Variants in ACTG1 observed in about 807,000 individuals in gnomAD.
ACTG1 encodes the protein actin, cytoplasmic 2.
Under a neutral mutation model 34.3 loss-of-function variants are expected in ACTG1, and 14 were observed. That is an observed-to-expected ratio of 0.41 (90% CI 0.27 to 0.64). ACTG1 has a LOEUF of 0.64. ACTG1 is among the 30% of genes least tolerant of loss of function. ACTG1 has a pLI of 0.33. For missense variants in ACTG1, 233 were observed against 529.5 expected (o/e 0.44, Z 5.50); for synonymous variants, 422 against 213.9 (o/e 1.97, Z -8.49).
chr17:81,510,204 C>T lies in ACTG1; in HGVS notation c.*486G>A, dbSNP rs1555666057. The T allele has an allele frequency of 1.9e-6, 1 of 532,806 alleles. No homozygotes were observed. Among genetic ancestry groups the T allele is most frequent in the South Asian group, 1.5e-5 (1 of 65,416 alleles). 33.0% of individuals were successfully genotyped at this position (532,806 alleles called of 1,614,324 possible). ...ACGGTGTTCTGGCCAAAGACATCAG[C>T]TAAGAAAGGAAACTGGGTCCTACGG... is the stretch of plus-strand genomic sequence containing the variant. On this transcript the variant is annotated 3_prime_UTR_variant, in exon 6 of 6. Coordinates refer to ENST00000573283, the MANE Select transcript of ACTG1 (RefSeq NM_001614.5).
Position 81,512,060 on chromosome 17 carries a change from T to A in ACTG1, c.206A>T (p.Tyr69Phe), listed in dbSNP as rs781953399. Residue 69 changes from tyrosine to phenylalanine, a missense_variant, in exon 3 of 6, where the codon TAC becomes TTC. Coordinates refer to ENST00000573283, the MANE Select transcript of ACTG1 (RefSeq NM_001614.5). ...GGTGACGATGCCATGCTCAATGGGG[T>A]ACTTCAGGGTCAGGATGCCACGCTT... ...QSKRGILTLK[Y>F]PIEHGIVTNW... The A allele has an allele frequency of 6.2e-7, 1 of 1,613,852 alleles. No homozygotes were observed. The highest frequency in any genetic ancestry group is 1.7e-5 in the Admixed American group (1 of 60,016).
At position 81,510,531 on chromosome 17, in the gene ACTG1, A is replaced by G. The variant is rs2031694717; in HGVS notation, c.*159T>C. ...GGTCAAAATCAGCAACAAGTTCTAC[A>G]ATCCAGTGCTGATATCAGATACAAG... On this transcript the variant is annotated 3_prime_UTR_variant, in exon 6 of 6. Coordinates refer to ENST00000573283, the MANE Select transcript of ACTG1 (RefSeq NM_001614.5). 1.1e-6 allele frequency: 1 copy of G among 937,910 alleles called. No individual in the cohort carries two copies. The highest frequency in any genetic ancestry group is 1.7e-6 in the Non-Finnish European group (1 of 587,536). 58.1% of individuals were successfully genotyped at this position (937,910 alleles called of 1,614,324 possible).
Position 81,510,666 on chromosome 17 carries a change from A to G in ACTG1, c.*24T>C, listed in dbSNP as rs782067799. On this transcript the variant is annotated 3_prime_UTR_variant, in exon 6 of 6. Transcript: ENST00000573283. ...TATTCTCAATTAACCCATGCAGCAA[A>G]TGCTACGCATCTGCTGAGTCCGTTT... is the stretch of plus-strand genomic sequence containing the variant. The G allele has an allele frequency of 1.1e-5, 18 of 1,613,536 alleles. 1 individual carries two copies. The South Asian group carries it at 1.5e-4, about 14-fold the overall frequency.
intron 1 of ACTG1, 67 bp downstream of exon 1, chr17:81,512,667 G>A (rs934165478): frequency 2.4e-6 from 1 of 413,124 alleles, no homozygotes; most frequent in South Asian, 2.1e-5. Flanking sequence ...GCTGGAAGCG[G>A]GGCCAGCCGG....
At position 81,510,791 on chromosome 17, in the gene ACTG1, C is replaced by T; in HGVS notation, c.1027G>A (p.Gly343Ser). 1 of 1,613,904 alleles carries T rather than the reference C, an allele frequency of 6.2e-7. No individual in the cohort carries two copies. The highest frequency in any genetic ancestry group is 8.5e-7 in the Non-Finnish European group (1 of 1,179,982). ...PERKYSVWIGGSILASLSTFQ... is the reference protein window; with the variant it reads ...PERKYSVWIGSSILASLSTFQ... Reference sequence around the variant, plus strand: ...GTGGACAGTGAGGCCAGGATGGAGCCACCGATCCACACCGAGTACTTGCGC... The same window carrying T: ...GTGGACAGTGAGGCCAGGATGGAGCTACCGATCCACACCGAGTACTTGCGC... The change falls in exon 6 of 6, where the codon GGC becomes AGC. Residue 343 changes from glycine (G) to serine (S), a missense_variant. Coordinates refer to ENST00000573283, the MANE Select transcript of ACTG1 (RefSeq NM_001614.5).
Position 81,510,932 on chromosome 17 carries a change from T to C in ACTG1, c.979A>G (p.Ile327Val). 6.2e-7 allele frequency: 1 copy of C among 1,614,042 alleles called. No homozygotes were observed. Among genetic ancestry groups the C allele is most frequent in the Non-Finnish European group, 8.5e-7 (1 of 1,180,004 alleles). Residue 327 changes from isoleucine (I) to valine (V), a missense_variant, in exon 5 of 6, where the codon ATC (isoleucine) becomes GTC (valine). By Grantham distance (29) the Ile-to-Val change is conservative. Transcript: ENST00000573283. ...ITALAPSTMK[I>V]KIIAPPERKY... ...CCACCAACCCCTCGACTCACCTTGA[T>C]CTTCATGGTGCTGGGCGCCAGGGCG...
In ACTG1 at chr17:81,509,978, C is replaced by A. The variant is rs182942453; in HGVS notation, c.*712G>T. On this transcript the variant is annotated 3_prime_UTR_variant, in exon 6 of 6. Coordinates refer to ENST00000573283, the MANE Select transcript of ACTG1 (RefSeq NM_001614.5). ...CCAAACAGGAGCCATTCATTGGTTA[C>A]GGCAGCACTTTTATTTTTCCTTACA... is the stretch of plus-strand genomic sequence containing the variant. 1 of 391,144 alleles carries A rather than the reference C, an allele frequency of 2.6e-6. No individual in the cohort carries two copies. The highest frequency in any genetic ancestry group is 3.0e-5 in the Admixed American group (1 of 32,856). 24.2% of individuals were successfully genotyped at this position (391,144 alleles called of 1,614,324 possible). A position where few individuals can be genotyped will look rare whatever the true frequency, so the allele number is the denominator to read the frequency against.
At position 81,510,966 on chromosome 17, in the gene ACTG1, C is replaced by T. The variant is rs727502881; in HGVS notation, c.945G>A (p.Lys315=). 8 of 1,614,114 alleles carry T rather than the reference C, an allele frequency of 5.0e-6. No individual in the cohort carries two copies. The Admixed American group carries it at 1.0e-4, about 20-fold the overall frequency. The stretch of plus-strand genomic sequence containing the variant: ...TGCTGGGCGCCAGGGCGGTGATCTC[C>T]TTCTGCATCCTGTCGGCAATGCCCG... The part of the protein sequence containing the change: ...MYPGIADRMQ[K]EITALAPSTM... The change falls in exon 5 of 6, where the codon AAG becomes AAA. Residue 315 remains lysine (K), a synonymous_variant. Coordinates refer to ENST00000573283, the MANE Select transcript of ACTG1 (RefSeq NM_001614.5).
rs1317902785 is a variant in ACTG1, at chr17:81,512,719, G to A, written c.-7+15C>T. 2.4e-6 allele frequency: 1 copy of A among 408,540 alleles called. No individual in the cohort carries two copies. The highest frequency in any genetic ancestry group is 4.7e-6 in the Non-Finnish European group (1 of 212,784). 25.3% of individuals were successfully genotyped at this position (408,540 alleles called of 1,614,324 possible). On this transcript the variant is annotated intron_variant, in intron 1 of 5. Transcript: ENST00000573283. ...CCTGCGACGTCCAGCTCAGGCCCCG[G>A]GGCGGGGCGCTCACCGGCAGAGAAA... is the stretch of plus-strand genomic sequence containing the variant.
At position 81,512,372 on chromosome 17, in the gene ACTG1, A is replaced by T. The variant is rs781789952; in HGVS notation, c.-6-12T>A. The stretch of plus-strand genomic sequence containing the variant: ...TCTTCCATTGCGACCTGCCCGGAAA[A>T]GGATGGACTCAGGCGGGCGCGTCTG... On this transcript the variant is annotated splice_polypyrimidine_tract_variant and intron_variant, in intron 1 of 5. Coordinates refer to ENST00000573283, the MANE Select transcript of ACTG1 (RefSeq NM_001614.5). 2 of 1,613,742 alleles carry T rather than the reference A, an allele frequency of 1.2e-6. No individual in the cohort carries two copies. Among genetic ancestry groups the T allele is most frequent in the Non-Finnish European group, 1.7e-6 (2 of 1,179,944 alleles).
chr17:81,511,022 T>C lies in ACTG1; in HGVS notation c.889A>G (p.Thr297Ala), dbSNP rs2031731495. 1.2e-6 allele frequency: 2 copies of C among 1,614,060 alleles called. No homozygotes were observed. The highest frequency in any genetic ancestry group is 1.7e-6 in the Non-Finnish European group (2 of 1,180,024). ...VDIRKDLYAN[T>A]VLSGGTTMYP... is the part of the protein sequence containing the mutation. ...ATGGTGGTGCCGCCCGACAGCACCGTGTTGGCGTACAGGTCTTTGCGGATG... is the reference window on the plus strand; with the variant it reads ...ATGGTGGTGCCGCCCGACAGCACCGCGTTGGCGTACAGGTCTTTGCGGATG... Residue 297 changes from threonine to alanine, a missense_variant, in exon 5 of 6, where the codon ACG becomes GCG. Coordinates refer to ENST00000573283, the MANE Select transcript of ACTG1 (RefSeq NM_001614.5).
intron 1 of ACTG1, 152 bp from the exon 2 acceptor site, chr17:81,512,512 G>C (rs548366866): frequency 1.2e-5 from 16 of 1,306,098 alleles, no homozygotes; most frequent in African/African-American, 1.5e-5. Context: ...ACCGAAGGCC[G>C]GGCCTTTTAC....
In ACTG1 at chr17:81,511,897, C is replaced by G. The variant is rs782227962; in HGVS notation, c.363+6G>C. The G allele has an allele frequency of 1.2e-6, 2 of 1,614,098 alleles. No homozygotes were observed. Among genetic ancestry groups the G allele is most frequent in the Non-Finnish European group, 8.5e-7 (1 of 1,180,000 alleles). On this transcript the variant is annotated splice_donor_region_variant and intron_variant, in intron 3 of 5. Transcript: ENST00000573283. ...GGGAGGAGCACGGGCGTCGGCCGAG[C>G]CTCACCTGAGTCATCTTCTCTCTGT... is the stretch of plus-strand genomic sequence containing the variant.
chr17:81,510,247 T>G lies in ACTG1; in HGVS notation c.*443A>C, dbSNP rs781863932. On this transcript the variant is annotated 3_prime_UTR_variant, in exon 6 of 6. Coordinates refer to ENST00000573283, the MANE Select transcript of ACTG1 (RefSeq NM_001614.5). ...TCCTACGGCTTGGACTTTCCAACCC[T>G]GACAGACCCGCAAGACAAAACAACT... The G allele has an allele frequency of 1.8e-6, 1 of 545,316 alleles. No individual in the cohort carries two copies. Among genetic ancestry groups the G allele is most frequent in the South Asian group, 1.6e-5 (1 of 63,426 alleles). The allele number at this position is 545,316 out of a possible 1,614,324, so 33.8% of individuals were successfully genotyped here.
intron 3 of ACTG1, 59 bp from the exon 4 acceptor site, chr17:81,511,685 C>T: frequency 6.4e-7 from 1 of 1,564,676 alleles, no homozygotes; most frequent in Non-Finnish European, 8.7e-7. Context: ...ACCCCATGCT[C>T]ACACGCCACA....
chr17:81,510,464 G>GTAT lies in ACTG1; in HGVS notation c.*223_*225dup. 1.4e-6 allele frequency: 1 copy of GTAT among 698,118 alleles called. No homozygotes were observed. The highest frequency in any genetic ancestry group is 2.6e-6 in the Non-Finnish European group (1 of 390,306). The allele number at this position is 698,118 out of a possible 1,614,324, so 43.2% of individuals were successfully genotyped here. ...GGTTGAACTCAAAGATATGTACAGG[G>GTAT]TATTAAACAAATACCAAGGGGAACA... On this transcript the variant is annotated 3_prime_UTR_variant, in exon 6 of 6. Transcript: ENST00000573283.
chr17:81,511,315 C>T lies in ACTG1; in HGVS notation c.675G>A (p.Gln225=), dbSNP rs370618663. 2 of 1,613,688 alleles carry T rather than the reference C, an allele frequency of 1.2e-6. No homozygotes were observed. Among genetic ancestry groups the T allele is most frequent in the Admixed American group, 1.7e-5 (1 of 60,002 alleles). Residue 225 remains glutamine (Q), a synonymous_variant, in exon 4 of 6, where the codon CAG becomes CAA. Coordinates refer to ENST00000573283, the MANE Select transcript of ACTG1 (RefSeq NM_001614.5). ...AGGAGGATGCGGCGGTGGCCATCTC[C>T]TGCTCGAAGTCCAGGGCGACGTAGC... ...KLCYVALDFE[Q]EMATAASSSS... is the part of the protein sequence containing the mutation.
chr17:81,511,887 G>T lies in ACTG1; in HGVS notation c.363+16C>A, dbSNP rs142131810. The T allele has an allele frequency of 6.2e-7, 1 of 1,614,012 alleles. No individual in the cohort carries two copies. The highest frequency in any genetic ancestry group is 1.1e-5 in the South Asian group (1 of 91,080). On this transcript the variant is annotated intron_variant, in intron 3 of 5. Transcript: ENST00000573283. ...GGGAAAGGACGGGAGGAGCACGGGCGTCGGCCGAGCCTCACCTGAGTCATC... is the reference window on the plus strand; with the variant it reads ...GGGAAAGGACGGGAGGAGCACGGGCTTCGGCCGAGCCTCACCTGAGTCATC...
In ACTG1 at chr17:81,512,244, G is replaced by A. The variant is rs782275620; in HGVS notation, c.111C>T (p.Arg37=). 1.9e-6 allele frequency: 3 copies of A among 1,613,664 alleles called. No individual in the cohort carries two copies. The highest frequency in any genetic ancestry group is 1.1e-5 in the South Asian group (1 of 91,084). The change falls in exon 2 of 6, where the codon CGC becomes CGT. Residue 37 remains arginine, a synonymous_variant. Transcript: ENST00000573283. ...PRAVFPSIVG[R]PRHQGVMVGM... ...GCCATCCACTCACCTGGTGTCTGGG[G>A]CGCCCGACGATGGAAGGAAACACGG... is the stretch of plus-strand genomic sequence containing the variant.
Sources: gnomAD v4.1 joint callset for allele counts on GRCh38, gnomAD v4.1.1 for gene constraint, MANE v1.5 for transcripts, NCBI Gene and HGNC (gene_info 2026-07-23, HGNC 2026-07-21) for gene names.